NAV3: variants seen among roughly 807,000 people sequenced by gnomAD.
NAV3 encodes neuron navigator 3.
In NAV3, 87 loss-of-function variants were observed where a neutral mutation model predicts 244.7. That is an observed-to-expected ratio of 0.36 (90% confidence interval 0.30 to 0.42). The LOEUF is 0.42. Among genes scored for constraint, NAV3 ranks in the 20% least tolerant of loss-of-function variants. The pLI, the probability that NAV3 is intolerant of heterozygous loss-of-function variation, is 1.00. For missense variants in NAV3, 2,663 were observed against 2,893.3 expected (o/e 0.92, Z 1.83); for synonymous variants, 1,126 against 1,042.2 (o/e 1.08, Z -1.55).
intron 20 of NAV3, among the ~76,000 whole-genome samples, chr12:78,141,900 C>G (rs1726426): frequency 0.053 from 8,062 of 152,070 alleles, 272 homozygotes; most frequent in Non-Finnish European, 0.072. Context: ...AAAGATGTAG[C>G]ATCATTATTA....
At chr12:77,821,022 C>T (rs1470519354) in intron 2 of NAV3, among the ~76,000 whole-genome samples, 2 of 151,574 alleles carry the variant, frequency 1.3e-5, no homozygotes, top group African/African-American at 4.9e-5. Context: ...CTCAATATTC[C>T]TCTCTCTCTT....
chr12:77,915,807 A>G (rs746266536), intron 1 of NAV3, among the ~76,000 whole-genome samples: 2 of 151,974 alleles, frequency 1.3e-5, no homozygotes, highest in Non-Finnish European at 2.9e-5. Context: ...CCATTCATTC[A>G]TTTAGTCCCA....
chr12:78,206,483 A>G (rs1960318556), intron 39 of NAV3, among the ~76,000 whole-genome samples: 1 of 152,250 alleles, frequency 6.6e-6, no homozygotes, highest in Middle Eastern at 3.4e-3. Flanking sequence ...CTGTTTTATA[A>G]GGAGAGGTGT....
intron 1 of NAV3, among the ~76,000 whole-genome samples, chr12:77,922,408 T>G (rs1282300867): frequency 6.6e-6 from 1 of 152,146 alleles, no homozygotes; most frequent in Non-Finnish European, 1.5e-5. Context: ...ATCCCTTTAT[T>G]TTTTAGTTAT....
At chr12:78,128,321 C>T (rs917797707) in intron 17 of NAV3, among the ~76,000 whole-genome samples, 1 of 150,200 alleles carries the variant, frequency 6.7e-6, no homozygotes, top group Admixed American at 6.6e-5. Flanking sequence ...CCTATGCCTT[C>T]TGTGACCATC....
At chr12:77,572,912 C>CT (rs1241327544) in intron 2 of NAV3, among the ~76,000 whole-genome samples, 1 of 152,146 alleles carries the variant, frequency 6.6e-6, no homozygotes, top group East Asian at 1.9e-4. Flanking sequence ...ATTTTTCTAG[C>CT]TTTTTAGAAA....
At chr12:78,165,283 T>A (rs1957731864) in intron 23 of NAV3, among the ~76,000 whole-genome samples, 3 of 152,046 alleles carry the variant, frequency 2.0e-5, no homozygotes, top group Admixed American at 1.3e-4. Flanking sequence ...TCTGATTATC[T>A]TATTCCTAAA....
intron 14 of NAV3, 78 bp downstream of exon 14, chr12:78,118,375 A>C (rs1366886434): frequency 6.7e-7 from 1 of 1,492,676 alleles, no homozygotes; most frequent in Non-Finnish European, 9.0e-7. Context: ...TTTCTCTAAC[A>C]ATAGCATTTC....
At chr12:77,766,735 G>GTTTGTTTTTTTTT (rs1555202961) in intron 2 of NAV3, among the ~76,000 whole-genome samples, 2,687 of 60,508 alleles carry the variant, frequency 0.044, 767 homozygotes, top group South Asian at 0.073. Context: ...AGGCAATTAA[G>GTTTGTTTTTTTTT]TTTTTTTTTT....
At chr12:77,795,523 A>T (rs1172569351) in intron 2 of NAV3, among the ~76,000 whole-genome samples, 2 of 152,144 alleles carry the variant, frequency 1.3e-5, no homozygotes, top group East Asian at 1.9e-4. Flanking sequence ...ACAGTAAATG[A>T]AATTTACTGT....
intron 2 of NAV3, among the ~76,000 whole-genome samples, chr12:77,736,855 G>A (rs1306468086): frequency 1.3e-5 from 2 of 152,206 alleles, no homozygotes. Flanking sequence ...ATAAGTGAGT[G>A]AAATGGTCAG....
intron 12 of NAV3, among the ~76,000 whole-genome samples, chr12:78,068,607 T>A (rs1444912689): frequency 6.8e-6 from 1 of 147,304 alleles, no homozygotes; most frequent in Non-Finnish European, 1.5e-5. Context: ...TTATATATAT[T>A]ATATATAATA....
intron 1 of NAV3, among the ~76,000 whole-genome samples, chr12:77,878,785 CA>C (rs1882208364): frequency 6.8e-6 from 1 of 147,326 alleles, no homozygotes; most frequent in Non-Finnish European, 1.5e-5. Context: ...TTAATTCTAT[CA>C]TTTTTTTTTT....
At chr12:78,197,015 G>T (rs1959183990) in intron 34 of NAV3, among the ~76,000 whole-genome samples, 1 of 151,762 alleles carries the variant, frequency 6.6e-6, no homozygotes, top group Non-Finnish European at 1.5e-5. Context: ...GCAGGTGTTT[G>T]GTACTGGATC....
At chr12:78,125,558 T>C (rs991221861) in intron 16 of NAV3, among the ~76,000 whole-genome samples, 1 of 152,200 alleles carries the variant, frequency 6.6e-6, no homozygotes, top group Admixed American at 6.5e-5. Flanking sequence ...TGTCTTTAAA[T>C]GTCAGATCTG....
chr12:77,814,391 C>G (rs1252029793), intron 2 of NAV3, among the ~76,000 whole-genome samples: 1 of 152,148 alleles, frequency 6.6e-6, no homozygotes, highest in Non-Finnish European at 1.5e-5. Flanking sequence ...ACATTGAACT[C>G]TAATTCTACC....
intron 1 of NAV3, among the ~76,000 whole-genome samples, chr12:77,888,989 A>G (rs971369224): frequency 2.6e-5 from 4 of 152,194 alleles, no homozygotes; most frequent in African/African-American, 7.2e-5. Flanking sequence ...AATAACCTCA[A>G]TGCCCTCCAA....
At chr12:77,832,903 AT>A (rs1873964748) in intron 1 of NAV3, among the ~76,000 whole-genome samples, 1 of 152,036 alleles carries the variant, frequency 6.6e-6, no homozygotes, top group African/African-American at 2.4e-5. Flanking sequence ...CTTAGGAAAT[AT>A]TTTCATTTTA....
rs1025882070 is a variant in NAV3, at chr12:77,805,596, A to T, written c.73-134723A>T. ...GTATTTTATTGAGTATTTTTGCATCAGTGTTCTTCAGGGATATTGGGCTGA... is the reference window on the plus strand; with the variant it reads ...GTATTTTATTGAGTATTTTTGCATCTGTGTTCTTCAGGGATATTGGGCTGA... On this transcript the variant is annotated intron_variant, in intron 2 of 8. Transcript: ENST00000550042. Among the ~76,000 whole-genome samples the T allele has an allele frequency of 2.0e-5, 3 of 152,128 alleles. No individual in the cohort carries two copies. The East Asian group carries it at 5.8e-4, about 29-fold the overall frequency.
Sources: gnomAD v4.1 joint callset for allele counts (sites outside exome capture counted in the v4.1 genomes callset) on GRCh38, gnomAD v4.1.1 for gene constraint, MANE v1.5 for transcripts, NCBI Gene and HGNC (gene_info 2026-07-23, HGNC 2026-07-21) for gene names.